SH2D4A: variants seen among roughly 807,000 people sequenced by gnomAD.
SH2D4A encodes SH2 domain containing 4A, also known as SH2 domain-containing protein 4A.
Under a neutral mutation model 64.7 loss-of-function variants are expected in SH2D4A, and 70 were observed. The ratio of observed to expected loss-of-function variants is 1.08; its 90% CI spans 0.89 to 1.32. SH2D4A has a LOEUF of 1.32. Ranked by LOEUF, SH2D4A falls within the 40% of genes most tolerant of loss-of-function variation. SH2D4A has a pLI of 0.00. For synonymous variants in SH2D4A, 268 were observed against 200.7 expected, an observed-to-expected ratio of 1.34 and a Z score of -2.83; for missense variants, 706 against 540.1, an observed-to-expected ratio of 1.31 and a Z score of -3.04.
intron 2 of SH2D4A, among the ~76,000 whole-genome samples, chr8:19,329,446 A>G (rs1355345233): frequency 6.6e-6 from 1 of 152,024 alleles, no homozygotes; most frequent in Admixed American, 6.6e-5. Context: ...CACAACTAGA[A>G]TGTTAGTCTC....
At chr8:19,340,137 G>T (rs2052505208) in intron 4 of SH2D4A, among the ~76,000 whole-genome samples, 1 of 152,208 alleles carries the variant, frequency 6.6e-6, no homozygotes. Context: ...CTGAGGAACA[G>T]TGTGGCAAAG....
At chr8:19,394,257 CCTCCTGCTATA>C (rs1156274596) in intron 9 of SH2D4A, among the ~76,000 whole-genome samples, 1 of 152,190 alleles carries the variant, frequency 6.6e-6, no homozygotes, top group Non-Finnish European at 1.5e-5. Context: ...CCACTGCTCA[CCTCCTGCTATA>C]CAGCCCAGTT....
intron 1 of SH2D4A, among the ~76,000 whole-genome samples, chr8:19,315,873 A>G (rs1204405689): frequency 6.6e-6 from 1 of 152,168 alleles, no homozygotes; most frequent in Non-Finnish European, 1.5e-5. Flanking sequence ...CCTTCGCTTC[A>G]CAGTAGATTA....
At chr8:19,336,879 A>G (rs998718746) in intron 4 of SH2D4A, among the ~76,000 whole-genome samples, 4 of 152,160 alleles carry the variant, frequency 2.6e-5, no homozygotes, top group African/African-American at 9.7e-5. Context: ...AAAAAAAAGT[A>G]TTAAGTATGT....
chr8:19,381,083 C>T (rs895263308), intron 8 of SH2D4A, among the ~76,000 whole-genome samples: 1 of 151,220 alleles, frequency 6.6e-6, no homozygotes, highest in Non-Finnish European at 1.5e-5. Flanking sequence ...GCTCTGTTGC[C>T]TAGGCTGGAA....
chr8:19,373,542 G>C lies in SH2D4A; in HGVS notation c.930G>C (p.Val310=). ...TTATAAATAACAGAAATCAGGGAGT[G>C]GTGAGGACACTGTCCAGCTCTGCCC... ...YPQKPLRNQG[V]VRTLSSSAQE... The change falls in exon 8 of 10, where the codon GTG becomes GTC. Residue 310 remains valine (V), a synonymous_variant. Coordinates refer to ENST00000265807, the MANE Select transcript of SH2D4A (RefSeq NM_022071.4). 1 of 1,605,416 alleles carries C rather than the reference G, an allele frequency of 6.2e-7. No homozygotes were observed.
At chr8:19,321,769 G>A (rs1371098464) in intron 2 of SH2D4A, among the ~76,000 whole-genome samples, 1 of 152,132 alleles carries the variant, frequency 6.6e-6, no homozygotes, top group Non-Finnish European at 1.5e-5. Flanking sequence ...ACATATATTA[G>A]TGTGATGGGG....
At chr8:19,363,479 AT>A (rs2052928482) in intron 6 of SH2D4A, among the ~76,000 whole-genome samples, 1 of 152,198 alleles carries the variant, frequency 6.6e-6, no homozygotes, top group African/African-American at 2.4e-5. Flanking sequence ...AGTGACTGTA[AT>A]ATTAAAAGGC....
chr8:19,384,797 G>A (rs2053356144), intron 8 of SH2D4A, among the ~76,000 whole-genome samples: 2 of 152,144 alleles, frequency 1.3e-5, no homozygotes, highest in Admixed American at 1.3e-4. Context: ...AAACCCACAG[G>A]TTCATTTCTT....
At chr8:19,352,128 T>C (rs112276602) in intron 4 of SH2D4A, among the ~76,000 whole-genome samples, 1 of 152,230 alleles carries the variant, frequency 6.6e-6, no homozygotes, top group Non-Finnish European at 1.5e-5. Flanking sequence ...TAGAAGCCAG[T>C]ATCAACTGTT....
intron 4 of SH2D4A, among the ~76,000 whole-genome samples, chr8:19,350,449 C>G (rs2052683989): frequency 6.6e-6 from 1 of 152,086 alleles, no homozygotes; most frequent in African/African-American, 2.4e-5. Flanking sequence ...ACTAGGACAC[C>G]AAAGACAATG....
Position 19,364,208 on chromosome 8 carries a change from G to T in SH2D4A, c.843G>T (p.Gln281His). 6.2e-7 allele frequency: 1 copy of T among 1,614,190 alleles called. No homozygotes were observed. The highest frequency in any genetic ancestry group is 1.7e-5 in the Admixed American group (1 of 60,026). The stretch of plus-strand genomic sequence containing the variant: ...TGCAAAGCCCCTTGCGTGTTCCGCA[G>T]AAACCAGAAAGACCTCCCCTTCCAC... ...ERLQSPLRVP[Q>H]KPERPPLPPK... Residue 281 changes from glutamine to histidine, a missense_variant, in exon 7 of 10, where the codon CAG becomes CAT. Physicochemically the swap from Gln to His is conservative, Grantham distance 24 (BLOSUM62 0). Transcript: ENST00000265807.
At chr8:19,351,337 CTCA>C (rs1468066019) in intron 4 of SH2D4A, among the ~76,000 whole-genome samples, 16 of 152,196 alleles carry the variant, frequency 1.1e-4, no homozygotes, top group African/African-American at 3.9e-4. Flanking sequence ...GGCACAGTGG[CTCA>C]TGCCTGTAAT....
At chr8:19,318,279 G>A (rs527728183) in intron 1 of SH2D4A, among the ~76,000 whole-genome samples, 4 of 152,098 alleles carry the variant, frequency 2.6e-5, no homozygotes, top group African/African-American at 9.6e-5. Flanking sequence ...TTATTACATC[G>A]AATCCAAAGT....
rs765474430 is a variant in SH2D4A at position 19,334,824 on chromosome 8, G to C, written c.480G>C (p.Arg160Ser). The change falls in exon 4 of 10, where the codon AGG (arginine) becomes AGC (serine). Residue 160 changes from arginine (R) to serine (S), a missense_variant. Transcript: ENST00000265807. ...AGGAGGAACTGGAGCAAGGATCGAGGCCAGCACCAACCCTGGAAGAAGAGA... is the reference window on the plus strand; with the variant it reads ...AGGAGGAACTGGAGCAAGGATCGAGCCCAGCACCAACCCTGGAAGAAGAGA... Reference protein sequence around the residue: ...AEKEELEQGSRPAPTLEEEKI... With the variant: ...AEKEELEQGSSPAPTLEEEKI... 6.2e-7 allele frequency: 1 copy of C among 1,612,222 alleles called. No individual in the cohort carries two copies. Among genetic ancestry groups the C allele is most frequent in the South Asian group, 1.1e-5 (1 of 90,612 alleles).
chr8:19,354,311 T>C (rs1350859440), intron 4 of SH2D4A, among the ~76,000 whole-genome samples: 1 of 152,174 alleles, frequency 6.6e-6, no homozygotes, highest in African/African-American at 2.4e-5. Context: ...CTAATGAGTT[T>C]TTATGCTAAA....
At chr8:19,334,880 C>G in intron 4 of SH2D4A, 23 bp downstream of exon 4, 1 of 1,572,010 alleles carries the variant, frequency 6.4e-7, no homozygotes, top group Non-Finnish European at 8.6e-7. Flanking sequence ...TGTCTGTAGA[C>G]GTGCGGAATT....
At position 19,379,454 on chromosome 8, in the gene SH2D4A, T is replaced by C. The variant is rs149760532; in HGVS notation, c.1048+5794T>C. Among the ~76,000 whole-genome samples, 605 of 152,338 alleles carry C rather than the reference T, an allele frequency of 4.0e-3. 4 individuals carry two copies. Among genetic ancestry groups the C allele is most frequent in the African/African-American group, 0.014 (589 of 41,584 alleles). ...TTGAGTTGCTTCCATGTTTCAGGTA[T>C]TGTGAATAGTGCTGCTGAGAACACA... is the stretch of plus-strand genomic sequence containing the variant. On this transcript the variant is annotated intron_variant, in intron 8 of 9. Transcript: ENST00000265807.
In SH2D4A at chr8:19,314,039, T is replaced by A. The variant is rs1188417237; in HGVS notation, c.-205+216T>A. 2.6e-6 allele frequency: 3 copies of A among 1,135,368 alleles called. No individual in the cohort carries two copies. The African/African-American group carries it at 5.0e-5, about 19-fold the overall frequency. 70.3% of individuals were successfully genotyped at this position (1,135,368 alleles called of 1,614,324 possible). A position where few individuals can be genotyped will look rare whatever the true frequency, so the allele number is the denominator to read the frequency against. On this transcript the variant is annotated intron_variant, in intron 1 of 9. Coordinates refer to ENST00000265807, the MANE Select transcript of SH2D4A (RefSeq NM_022071.4). ...GAGAGCGGCCGCGGCGGGTGTCCGG[T>A]GTCCGGTGTCCGGTGTCCGGTGTCT...
Sources: allele counts gnomAD v4.1 joint callset (sites outside exome capture counted in the v4.1 genomes callset), GRCh38; gene constraint gnomAD v4.1.1; transcripts MANE v1.5; gene names NCBI Gene and HGNC (gene_info 2026-07-23, HGNC 2026-07-21).